The following ASPM variants were observed in gnomAD, a reference collection of about 807,000 sequenced individuals.
ASPM encodes the protein abnormal spindle-like microcephaly-associated protein.
In ASPM, 256 loss-of-function variants were observed where a neutral mutation model predicts 366.4. The ratio of observed to expected loss-of-function variants is 0.70; its 90% CI spans 0.63 to 0.77. The LOEUF is 0.77. Among genes scored for constraint, ASPM ranks in the 30% least tolerant of loss-of-function variants. ASPM has a pLI of 0.00. For missense variants in ASPM, 4,146 were observed against 4,090.4 expected, an observed-to-expected ratio of 1.01 and a Z score of -0.37; for synonymous variants, 1,414 against 1,342.9, an observed-to-expected ratio of 1.05 and a Z score of -1.16.
chr1:197,096,347 T>C (rs1271264008), intron 18 of ASPM, among the ~76,000 whole-genome samples, 183 bp from the exon 19 acceptor site: 2 of 151,856 alleles, frequency 1.3e-5, no homozygotes, highest in African/African-American at 4.8e-5. Flanking sequence ...TGGTGCTTAC[T>C]ATAGTGAACA....
chr1:197,113,472 A>G (rs1394004680), intron 17 of ASPM, among the ~76,000 whole-genome samples: 1 of 152,176 alleles, frequency 6.6e-6, no homozygotes, highest in Non-Finnish European at 1.5e-5. Flanking sequence ...GGATAGCCAT[A>G]TATTTTTTAA....
chr1:197,114,578 CA>C (rs1471831908), intron 17 of ASPM, among the ~76,000 whole-genome samples: 4 of 152,032 alleles, frequency 2.6e-5, no homozygotes, highest in African/African-American at 7.2e-5. Context: ...ACAAAAAGTA[CA>C]TTTTTTTTTA....
At chr1:197,140,422 G>A (rs1415045003) in intron 3 of ASPM, among the ~76,000 whole-genome samples, 1 of 152,200 alleles carries the variant, frequency 6.6e-6, no homozygotes, top group Non-Finnish European at 1.5e-5. Flanking sequence ...AATAGTGGCA[G>A]CTAATACTTA....
At chr1:197,090,728 G>T in intron 23 of ASPM, 122 bp downstream of exon 23, 1 of 899,978 alleles carries the variant, frequency 1.1e-6, no homozygotes, top group Non-Finnish European at 1.7e-6. Context: ...GTGCTTATGA[G>T]TTATTCTACC....
chr1:197,130,209 C>T (rs904320895), intron 7 of ASPM, among the ~76,000 whole-genome samples, 153 bp from the exon 8 acceptor site: 1 of 152,128 alleles, frequency 6.6e-6, no homozygotes, highest in Non-Finnish European at 1.5e-5. Flanking sequence ...TTAAACTATG[C>T]ATATATGATT....
intron 7 of ASPM, among the ~76,000 whole-genome samples, chr1:197,131,599 C>A (rs974430138): frequency 1.3e-5 from 2 of 148,628 alleles, no homozygotes; most frequent in African/African-American, 5.0e-5. Context: ...GTCACCCAGG[C>A]CCAGGCTGGA....
At chr1:197,091,423 A>G (rs936927851) in intron 22 of ASPM, among the ~76,000 whole-genome samples, 1 of 152,036 alleles carries the variant, frequency 6.6e-6, no homozygotes, top group South Asian at 2.1e-4. Flanking sequence ...ACTCCTATAA[A>G]TCATAACAAA....
chr1:197,139,918 C>T, intron 3 of ASPM, 47 bp from the exon 4 acceptor site: 16 of 1,283,514 alleles, frequency 1.2e-5, no homozygotes, highest in Non-Finnish European at 1.7e-5. Context: ...AATACAAATT[C>T]CCTAAATAGG....
chr1:197,122,018 A>C lies in ASPM; in HGVS notation c.3767T>G (p.Leu1256Arg). The C allele has an allele frequency of 1.2e-6, 2 of 1,612,632 alleles. No homozygotes were observed. Among genetic ancestry groups the C allele is most frequent in the Non-Finnish European group, 1.7e-6 (2 of 1,178,998 alleles). The change falls in exon 16 of 28, where the codon CTT becomes CGT. Residue 1256 changes from leucine (L) to arginine (R), a missense_variant. By Grantham distance (102) the Leu-to-Arg change is moderately radical. Coordinates refer to ENST00000367409, the MANE Select transcript of ASPM (RefSeq NM_018136.5). ...EKVVITYLSF[L>R]CARLLDLRKE... ...ACGAAGATCCAAAAGCCTTGCACAA[A>C]GAAATGACAAATAGGTAATAACCAC...
At chr1:197,089,824 A>T in intron 25 of ASPM, 106 bp downstream of exon 25, 1 of 1,098,734 alleles carries the variant, frequency 9.1e-7, no homozygotes, top group Non-Finnish European at 1.4e-6. Context: ...CACATAAATG[A>T]ATTTAACTTA....
In ASPM at chr1:197,129,502, C is replaced by A. The variant is rs186950274; in HGVS notation, c.2630-185G>T. 6.1e-3 allele frequency among the ~76,000 whole-genome samples: 928 copies of A among 152,230 alleles called. 11 individuals carry two copies. Among genetic ancestry groups the A allele is most frequent in the African/African-American group, 0.02 (839 of 41,542 alleles). On this transcript the variant is annotated intron_variant, in intron 8 of 27. Coordinates refer to ENST00000367409, the MANE Select transcript of ASPM (RefSeq NM_018136.5). ...TAAATCCATTTAATCCTCCCAATAT[C>A]TCTATGGGACAAGTATGCACCACTT...
rs142378871 is a variant in ASPM, at chr1:197,103,433, G to C, written c.5818C>G (p.Gln1940Glu). The change falls in exon 18 of 28, where the codon CAA (glutamine) becomes GAA (glutamate). Residue 1940 changes from glutamine (Q) to glutamate (E), a missense_variant. Coordinates refer to ENST00000367409, the MANE Select transcript of ASPM (RefSeq NM_018136.5). ...NFRAWTAGRKQCMEYIELRHA... is the reference protein window; with the variant it reads ...NFRAWTAGRKECMEYIELRHA... ...CGGAGTTCAATATACTCCATACATT[G>C]CTTCCTTCCTGCAGTCCATGCTCTG... 2.0e-4 allele frequency: 316 copies of C among 1,613,138 alleles called. No homozygotes were observed. The highest frequency in any genetic ancestry group is 5.0e-5 in the Admixed American group (3 of 59,866).
intron 2 of ASPM, 73 bp from the exon 3 acceptor site, chr1:197,143,883 C>G: frequency 1.3e-6 from 2 of 1,549,254 alleles, no homozygotes; most frequent in Non-Finnish European, 1.8e-6. Context: ...TTACTTCAAG[C>G]CTGTTATCAA....
At chr1:197,135,488 G>C (rs1658391131) in intron 4 of ASPM, among the ~76,000 whole-genome samples, 1 of 152,056 alleles carries the variant, frequency 6.6e-6, no homozygotes, top group Non-Finnish European at 1.5e-5. Flanking sequence ...CTACATTAAA[G>C]TCTGATAGAA....
rs765320775 is a variant in ASPM at position 197,086,965 on chromosome 1, C to T, written c.10169G>A (p.Arg3390Gln). The T allele has an allele frequency of 1.1e-5, 18 of 1,607,406 alleles. No individual in the cohort carries two copies. The highest frequency in any genetic ancestry group is 4.4e-5 in the South Asian group (4 of 90,828). The change falls in exon 27 of 28, where the codon CGA (arginine) becomes CAA (glutamine). Residue 3390 changes from arginine (R) to glutamine (Q), a missense_variant. Coordinates refer to ENST00000367409, the MANE Select transcript of ASPM (RefSeq NM_018136.5). ...LKTTNRASDV[R>Q]SRSKVVDRIY... ...ACGGTCAACAACTTTGGACCTACTT[C>T]GTACATCCTACAAAATAAAATGCAC...
Position 197,117,879 on chromosome 1 carries a change from A to G in ASPM, c.3975T>C (p.Tyr1325=). 4 of 1,613,552 alleles carry G rather than the reference A, an allele frequency of 2.5e-6. No individual in the cohort carries two copies. Among genetic ancestry groups the G allele is most frequent in the South Asian group, 1.1e-5 (1 of 91,068 alleles). The change falls in exon 17 of 28, where the codon TAT becomes TAC. Residue 1325 remains tyrosine, a synonymous_variant. Coordinates refer to ENST00000367409, the MANE Select transcript of ASPM (RefSeq NM_018136.5). ...RVNAALVIQK[Y]WRRVLAQRKL... is the part of the protein sequence containing the mutation. ...TTCTCTGTGCTAAGACTCTTCGCCA[A>G]TATTTCTGAATGACGAGTGCTGCAT...
rs1415727515 is a variant in ASPM, at chr1:197,124,391, C to T, written c.3169-60G>A. On this transcript the variant is annotated intron_variant, in intron 12 of 27. Coordinates refer to ENST00000367409, the MANE Select transcript of ASPM (RefSeq NM_018136.5). ...TATTTTCCATAGATTATTTTTAACCCACAGAAATCAAAGTAACTGTCTTCT... is the reference window on the plus strand; with the variant it reads ...TATTTTCCATAGATTATTTTTAACCTACAGAAATCAAAGTAACTGTCTTCT... 5 of 1,209,534 alleles carry T rather than the reference C, an allele frequency of 4.1e-6. No homozygotes were observed. In the Admixed American group the frequency reaches 1.0e-4, roughly 25 times the overall value. The allele number at this position is 1,209,534 out of a possible 1,614,324, so 74.9% of individuals were successfully genotyped here.
chr1:197,144,365 ATT>A (rs1352437992), intron 1 of ASPM, among the ~76,000 whole-genome samples: 1 of 152,194 alleles, frequency 6.6e-6, no homozygotes, highest in Non-Finnish European at 1.5e-5. Flanking sequence ...TCTCTAAATC[ATT>A]TTGTTTGAGT....
intron 17 of ASPM, among the ~76,000 whole-genome samples, chr1:197,112,311 G>A (rs906732528): frequency 5.9e-5 from 9 of 152,064 alleles, no homozygotes; most frequent in African/African-American, 1.7e-4. Flanking sequence ...TAAATGATGA[G>A]AAAACATGGA....
Sources: allele counts gnomAD v4.1 joint callset (sites outside exome capture counted in the v4.1 genomes callset), GRCh38; gene constraint gnomAD v4.1.1; transcripts MANE v1.5; gene names NCBI Gene and HGNC (gene_info 2026-07-23, HGNC 2026-07-21).